HIBCH: variants seen among roughly 807,000 people sequenced by gnomAD.
HIBCH encodes 3-hydroxyisobutyryl-CoA hydrolase, mitochondrial.
HIBCH carries 50 observed loss-of-function variants against 58.2 expected under a neutral mutation model. The ratio of observed to expected loss-of-function variants is 0.86; its 90% CI spans 0.68 to 1.09. HIBCH has a LOEUF of 1.09. Among genes scored for constraint, HIBCH ranks in the 50% least tolerant of loss-of-function variants. The pLI, the probability that HIBCH is intolerant of heterozygous loss-of-function variation, is 0.00. For missense variants in HIBCH, 450 were observed against 449.7 expected, an observed-to-expected ratio of 1.00 and a Z score of -0.01; for synonymous variants, 151 against 146.9, an observed-to-expected ratio of 1.03 and a Z score of -0.20.
chr2:190,207,070 C>G lies in HIBCH; in HGVS notation c.1045+1810G>C, dbSNP rs78287770. On this transcript the variant is annotated intron_variant, in intron 13 of 13. Transcript: ENST00000359678. This position sits in a 1 kb window ranked among gnomAD's most constrained non-coding sequence, Gnocchi z 4.5. ...CCGGGAGGCGGAGTTTGCAGTGAGC[C>G]GAGATTTTGCCACTGCTCTCCAGCC... Among the ~76,000 whole-genome samples, 3 of 151,880 alleles carry G rather than the reference C, an allele frequency of 2.0e-5. No individual in the cohort carries two copies. The highest frequency in any genetic ancestry group is 2.1e-4 in the South Asian group (1 of 4,802).
rs181674531 is a variant in HIBCH at position 190,211,369 on chromosome 2, T to C, written c.1011+1587A>G. Among the ~76,000 whole-genome samples the C allele has an allele frequency of 1.3e-5, 2 of 152,314 alleles. No homozygotes were observed. The highest frequency in any genetic ancestry group is 3.9e-4 in the East Asian group (2 of 5,184). On this transcript the variant is annotated intron_variant, in intron 12 of 13. Coordinates refer to ENST00000359678, the MANE Select transcript of HIBCH (RefSeq NM_014362.4). This position sits in a 1 kb window ranked among gnomAD's most constrained non-coding sequence, Gnocchi z 5.0. ...CATTTACTTCTCTCAATTGCCACCA[T>C]GCTTGTCTCAAAACTACTATTTCAC... is the stretch of plus-strand genomic sequence containing the variant.
chr2:190,273,033 GAA>G (rs1294375141), intron 6 of HIBCH, among the ~76,000 whole-genome samples: 2 of 150,398 alleles, frequency 1.3e-5, no homozygotes, highest in South Asian at 4.2e-4. Flanking sequence ...CTGTTAAAAA[GAA>G]AAAAAAAGCT....
intron 1 of HIBCH, among the ~76,000 whole-genome samples, chr2:190,318,510 C>A (rs893092373): frequency 2.0e-5 from 3 of 152,092 alleles, no homozygotes; most frequent in African/African-American, 7.2e-5. Context: ...TAGGATAATA[C>A]CCACTTCAGG....
chr2:190,287,017 T>C (rs1687845764), intron 6 of HIBCH, among the ~76,000 whole-genome samples: 2 of 137,362 alleles, frequency 1.5e-5, no homozygotes, highest in Admixed American at 1.6e-4. Context: ...AAAGTTAAAA[T>C]AGCATATAAC....
At chr2:190,250,544 G>GC (rs1378569777) in intron 8 of HIBCH, 2 of 282,510 alleles carry the variant, frequency 7.1e-6, no homozygotes, top group African/African-American at 4.4e-5. Context: ...AAGGGGTTAT[G>GC]CATCAGCTCT....
rs1169933613 is a variant in HIBCH at position 190,215,387 on chromosome 2, G to A, written c.892-2312C>T. On this transcript the variant is annotated intron_variant, in intron 11 of 13. Transcript: ENST00000359678. This position sits in a 1 kb window ranked among gnomAD's most constrained non-coding sequence, Gnocchi z 4.4. ...GACCTAAGGGAACTAATAATTAAAG[G>A]GATTAAAAAGTCCACTCCTAGGACA... The A allele has an allele frequency of 6.6e-6, 1 of 152,034 alleles. No individual in the cohort carries two copies. Among genetic ancestry groups the A allele is most frequent in the Non-Finnish European group, 1.5e-5 (1 of 67,990 alleles). 9.4% of individuals were successfully genotyped at this position (152,034 alleles called of 1,614,324 possible).
intron 4 of HIBCH, among the ~76,000 whole-genome samples, chr2:190,293,210 G>A (rs188801414): frequency 5.3e-5 from 8 of 152,092 alleles, no homozygotes; most frequent in African/African-American, 1.9e-4. Context: ...GCATGTTGTT[G>A]GGAGGCCGAG....
rs1199224539 is a variant in HIBCH, at chr2:190,319,820, C to G, written c.-70G>C. 6.4e-7 allele frequency: 1 copy of G among 1,567,838 alleles called. No homozygotes were observed. Among genetic ancestry groups the G allele is most frequent in the Non-Finnish European group, 8.7e-7 (1 of 1,152,748 alleles). ...GACCGTTCCAGCGCCTCGCGTGAGC[C>G]CCGCCCACCGCCGTCCTGCGCCGCC... On this transcript the variant is annotated 5_prime_UTR_variant, in exon 1 of 14. Coordinates refer to ENST00000359678, the MANE Select transcript of HIBCH (RefSeq NM_014362.4).
intron 7 of HIBCH, among the ~76,000 whole-genome samples, chr2:190,257,806 G>C (rs1686970742): frequency 2.0e-5 from 3 of 152,162 alleles, no homozygotes; most frequent in Non-Finnish European, 4.4e-5. Context: ...GGGGGCTGAA[G>C]TCATCCCTGT....
intron 9 of HIBCH, 36 bp from the exon 10 acceptor site, chr2:190,246,248 C>T (rs370885275): frequency 1.3e-4 from 167 of 1,260,886 alleles, no homozygotes; most frequent in Non-Finnish European, 1.8e-4. Context: ...TAAATTTGAA[C>T]ACAATTTTTT....
chr2:190,311,104 GAA>G, intron 1 of HIBCH: 1 of 511,564 alleles, frequency 2.0e-6, no homozygotes, highest in South Asian at 1.7e-5. Flanking sequence ...ATGAAAAAAA[GAA>G]AAGAGCTATT....
chr2:190,266,633 C>T (rs537403034), intron 6 of HIBCH, among the ~76,000 whole-genome samples: 1 of 152,156 alleles, frequency 6.6e-6, no homozygotes, highest in African/African-American at 2.4e-5. Flanking sequence ...GGGATTTCAC[C>T]ATGTTGGCCA....
chr2:190,221,839 G>A (rs934299955), intron 11 of HIBCH, among the ~76,000 whole-genome samples: 1 of 152,180 alleles, frequency 6.6e-6, no homozygotes, highest in African/African-American at 2.4e-5. Flanking sequence ...AATCTGGCCA[G>A]GGATGGCCAG....
intron 11 of HIBCH, among the ~76,000 whole-genome samples, chr2:190,227,325 T>G (rs1048471455): frequency 4.6e-5 from 7 of 152,236 alleles, no homozygotes; most frequent in African/African-American, 1.7e-4. Context: ...GGGGAAATGA[T>G]TCCCTATTTA....
At chr2:190,296,338 T>C (rs1688102877) in intron 3 of HIBCH, among the ~76,000 whole-genome samples, 1 of 150,546 alleles carries the variant, frequency 6.6e-6, no homozygotes, top group African/African-American at 2.4e-5. Context: ...GAGAATGGCA[T>C]GAACCCGGGA....
chr2:190,291,293 G>T (rs1040823353), intron 4 of HIBCH, among the ~76,000 whole-genome samples: 42 of 152,192 alleles, frequency 2.8e-4, no homozygotes, highest in Non-Finnish European at 5.9e-5. Flanking sequence ...GGCTGTCCTG[G>T]AGTTTAGACT....
chr2:190,275,422 T>A (rs575808565), intron 6 of HIBCH, among the ~76,000 whole-genome samples: 1 of 152,230 alleles, frequency 6.6e-6, no homozygotes, highest in Admixed American at 6.5e-5. Context: ...GAAAAAACTA[T>A]GCAAGAACTT....
intron 6 of HIBCH, among the ~76,000 whole-genome samples, chr2:190,275,482 C>G (rs1259402189): frequency 6.6e-6 from 1 of 152,040 alleles, no homozygotes; most frequent in African/African-American, 2.4e-5. Context: ...CATAACATAC[C>G]AGAACAGGAT....
At chr2:190,280,087 A>G (rs1687663557) in intron 6 of HIBCH, 1 of 152,216 alleles carries the variant, frequency 6.6e-6, no homozygotes, top group African/African-American at 2.4e-5. Flanking sequence ...TTCAAGTGCT[A>G]TTTCTTTGCG....
Sources: allele counts gnomAD v4.1 joint callset (sites outside exome capture counted in the v4.1 genomes callset), GRCh38; gene constraint gnomAD v4.1.1; non-coding constraint Gnocchi (gnomAD v3.1); transcripts MANE v1.5; gene names NCBI Gene and HGNC (gene_info 2026-07-23, HGNC 2026-07-21).